The following SLC44A5 variants were observed in gnomAD, a reference collection of about 807,000 sequenced individuals.
SLC44A5 encodes solute carrier family 44 member 5.
SLC44A5 carries 57 observed loss-of-function variants against 101.8 expected under a neutral mutation model. The observed-to-expected ratio is 0.56, with a 90% CI of 0.45 to 0.70. The LOEUF is 0.70. Ranked by LOEUF, SLC44A5 falls within the 30% of genes least tolerant of loss-of-function variation. SLC44A5 has a pLI of 0.00. For missense variants in SLC44A5, 737 were observed against 853.1 expected, an observed-to-expected ratio of 0.86 and a Z score of 1.70; for synonymous variants, 281 against 290.9, an observed-to-expected ratio of 0.97 and a Z score of 0.35.
chr1:75,520,267 G>A (rs1207217788), intron 2 of SLC44A5, among the ~76,000 whole-genome samples: 2 of 152,140 alleles, frequency 1.3e-5, no homozygotes, highest in Non-Finnish European at 2.9e-5. Context: ...ACAGAGGTGG[G>A]AGGATTGCTT....
intron 2 of SLC44A5, 135 bp downstream of exon 2, chr1:75,541,300 T>C (rs759628552): frequency 1.1e-4 from 77 of 671,072 alleles, no homozygotes; most frequent in Non-Finnish European, 1.8e-4. Context: ...CATGCTGTAG[T>C]TTTCCAGGTG....
the SLC44A5 span, chr1:75,677,815 G>A: frequency 2.5e-5 from 10 of 404,218 alleles, no homozygotes; most frequent in African/African-American, 1.3e-4. Context: ...GAGCGACGCA[G>A]AAGATGGGTG....
intron 23 of SLC44A5, chr1:75,206,425 G>T (rs1348584080): frequency 6.0e-6 from 3 of 502,204 alleles, no homozygotes; most frequent in African/African-American, 1.9e-5. Context: ...TGGGACCACT[G>T]TCTATAAAGT....
chr1:75,593,363 G>A (rs1389265960), intron 1 of SLC44A5, among the ~76,000 whole-genome samples: 1 of 152,050 alleles, frequency 6.6e-6, no homozygotes, highest in African/African-American at 2.4e-5. Context: ...GTGGAGAAAA[G>A]GGAACCCTTG....
intron 4 of SLC44A5, among the ~76,000 whole-genome samples, chr1:75,315,211 C>G (rs924354522): frequency 1.3e-5 from 2 of 152,110 alleles, no homozygotes; most frequent in Non-Finnish European, 2.9e-5. Flanking sequence ...AAACAGAAAA[C>G]TGAAACTTTG....
At chr1:75,428,170 A>G (rs1450688584) in intron 2 of SLC44A5, among the ~76,000 whole-genome samples, 3 of 152,194 alleles carry the variant, frequency 2.0e-5, no homozygotes, top group African/African-American at 7.2e-5. Context: ...GTTTTAAGCA[A>G]CTGACATTTT....
At chr1:75,274,915 T>A in intron 6 of SLC44A5, 43 bp downstream of exon 6, 1 of 1,477,906 alleles carries the variant, frequency 6.8e-7, no homozygotes, top group Non-Finnish European at 9.4e-7. Context: ...TAGGTTCCAG[T>A]TTAGACAGTA....
intron 1 of SLC44A5, among the ~76,000 whole-genome samples, chr1:75,550,515 A>G (rs1042885034): frequency 1.3e-5 from 2 of 152,116 alleles, no homozygotes; most frequent in Non-Finnish European, 2.9e-5. Context: ...ACTTCATTGT[A>G]CACTTCTAAA....
chr1:75,650,494 TA>T, the SLC44A5 span, among the ~76,000 whole-genome samples: 2 of 152,246 alleles, frequency 1.3e-5, no homozygotes, highest in Admixed American at 6.5e-5. Flanking sequence ...ATCTAAGCTT[TA>T]AAACATATTT....
intron 1 of SLC44A5, among the ~76,000 whole-genome samples, chr1:75,579,293 G>T (rs983291142): frequency 1.3e-5 from 2 of 152,132 alleles, no homozygotes; most frequent in Non-Finnish European, 2.9e-5. Flanking sequence ...ATTTAAGTCA[G>T]TTATCTGGGC....
At chr1:75,701,160 G>A in the SLC44A5 span, among the ~76,000 whole-genome samples, 2 of 152,092 alleles carry the variant, frequency 1.3e-5, no homozygotes, top group African/African-American at 4.8e-5. Flanking sequence ...CATTTTATGA[G>A]CCCAGCATCA....
chr1:75,234,211 T>C (rs184651261), intron 11 of SLC44A5, 113 bp from the exon 12 acceptor site: 2 of 706,042 alleles, frequency 2.8e-6, no homozygotes, highest in Admixed American at 2.7e-5. Context: ...TCTTTTATTT[T>C]ACCTGGCTAT....
intron 2 of SLC44A5, among the ~76,000 whole-genome samples, chr1:75,447,787 T>G (rs1452479651): frequency 6.6e-6 from 1 of 152,160 alleles, no homozygotes; most frequent in Non-Finnish European, 1.5e-5. Flanking sequence ...ATTAGATTGA[T>G]AGGCTAGTTC....
intron 5 of SLC44A5, among the ~76,000 whole-genome samples, chr1:75,292,171 G>C (rs1372451208): frequency 6.6e-6 from 1 of 151,974 alleles, no homozygotes; most frequent in African/African-American, 2.4e-5. Flanking sequence ...TGTTCAGGCA[G>C]GTCCTTATCT....
At chr1:75,554,976 T>A (rs966542842) in intron 1 of SLC44A5, among the ~76,000 whole-genome samples, 1 of 151,462 alleles carries the variant, frequency 6.6e-6, no homozygotes, top group Non-Finnish European at 1.5e-5. Context: ...AACCAGCTCA[T>A]AAGAAGGCAG....
At chr1:75,254,455 CA>C (rs1158227836) in intron 6 of SLC44A5, among the ~76,000 whole-genome samples, 1 of 152,036 alleles carries the variant, frequency 6.6e-6, no homozygotes, top group Non-Finnish European at 1.5e-5. Flanking sequence ...CATCAAGAAA[CA>C]AAATAGAAAC....
intron 2 of SLC44A5, among the ~76,000 whole-genome samples, chr1:75,473,441 A>T (rs2101738225): frequency 6.6e-6 from 1 of 152,334 alleles, no homozygotes; most frequent in East Asian, 1.9e-4. Context: ...TTCTAAGTTG[A>T]TGACATGGAT....
chr1:75,683,349 A>C, the SLC44A5 span, among the ~76,000 whole-genome samples: 1 of 152,198 alleles, frequency 6.6e-6, no homozygotes, highest in Non-Finnish European at 1.5e-5. Context: ...AAGACTTGGA[A>C]CTAACCCAAA....
At chr1:75,365,499 G>C (rs1423954912) in intron 3 of SLC44A5, among the ~76,000 whole-genome samples, 2 of 152,082 alleles carry the variant, frequency 1.3e-5, no homozygotes, top group Non-Finnish European at 2.9e-5. Flanking sequence ...AGGATCTAGA[G>C]ACAGAAATGC....
Sources: allele counts gnomAD v4.1 joint callset (sites outside exome capture counted in the v4.1 genomes callset), GRCh38; gene constraint gnomAD v4.1.1; transcripts MANE v1.5; gene names NCBI Gene and HGNC (gene_info 2026-07-23, HGNC 2026-07-21).